ARV1: variants seen among roughly 807,000 people sequenced by gnomAD.
ARV1 encodes protein ARV1.
ARV1 carries 26 observed loss-of-function variants against 31.1 expected under a neutral mutation model. The observed-to-expected ratio is 0.84, with a 90% CI of 0.61 to 1.16. The LOEUF is 1.16. Among genes scored for constraint, ARV1 ranks in the 50% most tolerant of loss-of-function variants. The probability of loss-of-function intolerance (pLI) is 0.00; values close to 1 mark genes in which losing one functional copy is unlikely to be tolerated. For synonymous variants in ARV1, 117 were observed against 123.2 expected, an observed-to-expected ratio of 0.95 and a Z score of 0.34; for missense variants, 281 against 324.9, an observed-to-expected ratio of 0.86 and a Z score of 1.04.
At chr1:230,986,731 C>T (rs371632859) in intron 1 of ARV1, among the ~76,000 whole-genome samples, 1 of 115,042 alleles carries the variant, frequency 8.7e-6, no homozygotes, top group East Asian at 3.0e-4. Flanking sequence ...GAGACAGGGT[C>T]TTGCTTTGTT....
chr1:230,987,207 C>T (rs1377666394), intron 1 of ARV1, among the ~76,000 whole-genome samples: 1 of 152,134 alleles, frequency 6.6e-6, no homozygotes, highest in Non-Finnish European at 1.5e-5. Context: ...GCATCTGCAA[C>T]GTGGACACGC....
chr1:230,981,027 C>T (rs1445335985), intron 1 of ARV1, among the ~76,000 whole-genome samples: 1 of 152,166 alleles, frequency 6.6e-6, no homozygotes, highest in African/African-American at 2.4e-5. Context: ...AGCATTTTAC[C>T]TCATTACTTC....
At chr1:230,984,421 A>C (rs1558241676) in intron 1 of ARV1, among the ~76,000 whole-genome samples, 1 of 144,272 alleles carries the variant, frequency 6.9e-6, no homozygotes, top group Non-Finnish European at 1.5e-5. Flanking sequence ...CTTCACATTC[A>C]AGGTGAAGGC....
intron 5 of ARV1, chr1:230,999,540 C>A (rs1679466044): frequency 6.6e-6 from 1 of 152,272 alleles, no homozygotes; most frequent in African/African-American, 2.4e-5. Flanking sequence ...CATCCTAATT[C>A]TTCTCCCCAG....
intron 5 of ARV1, 83 bp downstream of exon 5, chr1:230,997,350 C>T: frequency 6.7e-7 from 1 of 1,498,412 alleles, no homozygotes. Flanking sequence ...GAAGTCGGTG[C>T]CCTTACATAA....
intron 3 of ARV1, among the ~76,000 whole-genome samples, chr1:230,995,319 G>A (rs1393515298): frequency 6.6e-6 from 1 of 152,188 alleles, no homozygotes; most frequent in South Asian, 2.1e-4. Context: ...CACTTAAATA[G>A]TGGAAGAATG....
rs1679142232 is a variant in ARV1, at chr1:230,988,450, A to AC, written c.294+11_294+12insC. 1 of 1,505,848 alleles carries AC rather than the reference A, an allele frequency of 6.6e-7. No individual in the cohort carries two copies. Among genetic ancestry groups the AC allele is most frequent in the African/African-American group, 1.4e-5 (1 of 70,748 alleles). 93.3% of individuals were successfully genotyped at this position (1,505,848 alleles called of 1,614,324 possible). On this transcript the variant is annotated intron_variant, in intron 2 of 5. Transcript: ENST00000310256. ...AATACTCAAATAAATGTAAGTTGTG[A>AC]TAATTTCATTTTTTAATTTTATTTG...
chr1:230,986,665 CCTA>C (rs1679079453), intron 1 of ARV1, among the ~76,000 whole-genome samples: 1 of 99,924 alleles, frequency 1.0e-5, no homozygotes, highest in East Asian at 3.6e-4. Flanking sequence ...TAATACTTTT[CCTA>C]TTTTTTTTTT....
intron 5 of ARV1, among the ~76,000 whole-genome samples, chr1:230,998,348 C>T (rs964966302): frequency 1.3e-5 from 2 of 152,210 alleles, no homozygotes; most frequent in Non-Finnish European, 2.9e-5. Flanking sequence ...GGCTGTAAAG[C>T]TTCTCTGCCT....
chr1:230,995,912 C>T lies in ARV1; in HGVS notation c.601C>T (p.His201Tyr), dbSNP rs972050503. Residue 201 changes from histidine to tyrosine, a missense_variant, in exon 4 of 6, where the codon CAT becomes TAT. By Grantham distance (83) the His-to-Tyr change is moderately conservative. Transcript: ENST00000310256. ...GCTGATTCCAGCTGTCATTTGGGAA[C>T]ATGACTACACATCTGTGTGCCTCAA... ...LLLIPAVIWE[H>Y]DYTSVCLKLI... is the part of the protein sequence containing the mutation. The T allele has an allele frequency of 5.0e-6, 8 of 1,613,966 alleles. No homozygotes were observed. In the South Asian group the frequency reaches 6.6e-5, roughly 13 times the overall value.
intron 5 of ARV1, among the ~76,000 whole-genome samples, chr1:230,999,250 C>T (rs900239443): frequency 6.6e-6 from 1 of 152,188 alleles, no homozygotes; most frequent in Non-Finnish European, 1.5e-5. Context: ...GTCACCTGCA[C>T]TCTCCTGTTG....
intron 1 of ARV1, among the ~76,000 whole-genome samples, chr1:230,984,400 G>A (rs1011122611): frequency 2.1e-5 from 3 of 146,226 alleles, no homozygotes; most frequent in African/African-American, 7.6e-5. Flanking sequence ...GTGTGTGTGT[G>A]TAGTTTTCCT....
chr1:230,989,068 C>T (rs1290829227), intron 2 of ARV1, among the ~76,000 whole-genome samples: 1 of 152,118 alleles, frequency 6.6e-6, no homozygotes, highest in Non-Finnish European at 1.5e-5. Flanking sequence ...TTGCATGGAA[C>T]ATACTTATAC....
intron 3 of ARV1, among the ~76,000 whole-genome samples, chr1:230,991,467 C>T (rs1317673379): frequency 1.3e-5 from 2 of 152,150 alleles, no homozygotes; most frequent in Admixed American, 1.3e-4. Context: ...TTGAGCTCCT[C>T]ATCTCTCTGC....
intron 5 of ARV1, among the ~76,000 whole-genome samples, chr1:230,998,984 C>T (rs2103059105): frequency 6.6e-6 from 1 of 152,312 alleles, no homozygotes; most frequent in Admixed American, 6.5e-5. Context: ...AGCTCTGCTC[C>T]AGAAACCTCT....
At position 230,990,146 on chromosome 1, in the gene ARV1, G is replaced by A; in HGVS notation, c.331G>A (p.Glu111Lys). The change falls in exon 3 of 6, where the codon GAA (glutamate) becomes AAA (lysine). Residue 111 changes from glutamate to lysine, a missense_variant. Coordinates refer to ENST00000310256, the MANE Select transcript of ARV1 (RefSeq NM_022786.3). ...ACTCTGCATATTTTGTTTGCTTTGT[G>A]AAGCATACCTGAGGTGGTGGCAGCT... is the stretch of plus-strand genomic sequence containing the variant. ...GKLCIFCLLC[E>K]AYLRWWQLQD... 2 of 1,610,158 alleles carry A rather than the reference G, an allele frequency of 1.2e-6. No individual in the cohort carries two copies. Among genetic ancestry groups the A allele is most frequent in the Non-Finnish European group, 1.7e-6 (2 of 1,179,108 alleles).
intron 1 of ARV1, among the ~76,000 whole-genome samples, chr1:230,981,066 C>T (rs1678898646): frequency 6.6e-6 from 1 of 152,112 alleles, no homozygotes; most frequent in Admixed American, 6.6e-5. Flanking sequence ...TGTGCGCTTC[C>T]CAGGATTCAG....
chr1:230,985,621 G>T (rs977885606), intron 1 of ARV1, among the ~76,000 whole-genome samples: 6 of 152,210 alleles, frequency 3.9e-5, no homozygotes, highest in Admixed American at 2.6e-4. Context: ...CCCAGCCTTA[G>T]ACTTGTGATG....
Position 230,995,952 on chromosome 1 carries a change from T to G in ARV1, c.641T>G (p.Phe214Cys). The change falls in exon 4 of 6, where the codon TTT becomes TGT. Residue 214 changes from phenylalanine (F) to cysteine (C), a missense_variant. Phe to Cys is a radical substitution (Grantham distance 205). Transcript: ENST00000310256. ...GTGTGCCTCAAACTCATTAAAGTAT[T>G]TGTTCTTACATCAAATTTTCAGGCA... ...TSVCLKLIKV[F>C]VLTSNFQAIR... is the part of the protein sequence containing the mutation. The G allele has an allele frequency of 6.2e-7, 1 of 1,613,726 alleles. No homozygotes were observed. The highest frequency in any genetic ancestry group is 8.5e-7 in the Non-Finnish European group (1 of 1,179,824).
Sources: gnomAD v4.1 joint callset for allele counts (sites outside exome capture counted in the v4.1 genomes callset) on GRCh38, gnomAD v4.1.1 for gene constraint, MANE v1.5 for transcripts, NCBI Gene and HGNC (gene_info 2026-07-23, HGNC 2026-07-21) for gene names.